TRAPPC6B: variants seen among roughly 807,000 people sequenced by gnomAD.
TRAPPC6B encodes TRAPP complex subunit 6B.
TRAPPC6B carries 27 observed loss-of-function variants against 24.7 expected under a neutral mutation model. The observed-to-expected ratio is 1.09, with a 90% CI of 0.81 to 1.51. The LOEUF (loss-of-function observed/expected upper bound fraction) is 1.51. Among genes scored for constraint, TRAPPC6B ranks in the 40% most tolerant of loss-of-function variants. The probability of loss-of-function intolerance (pLI) is 0.00; values close to 1 mark genes in which losing one functional copy is unlikely to be tolerated. For missense variants in TRAPPC6B, 212 were observed against 190.8 expected, an observed-to-expected ratio of 1.11 and a Z score of -0.66; for synonymous variants, 80 against 66.6, an observed-to-expected ratio of 1.20 and a Z score of -0.98.
At chr14:39,152,707 A>T (rs1299286233) in intron 4 of TRAPPC6B, among the ~76,000 whole-genome samples, 4 of 152,166 alleles carry the variant, frequency 2.6e-5, no homozygotes, top group African/African-American at 9.7e-5. Context: ...GAAAATAAAA[A>T]CCATGTATAT....
Position 39,150,229 on chromosome 14 carries a change from A to C in TRAPPC6B, c.*121T>G. 1.2e-6 allele frequency: 1 copy of C among 852,918 alleles called. No homozygotes were observed. The highest frequency in any genetic ancestry group is 1.8e-6 in the Non-Finnish European group (1 of 556,156). 52.8% of individuals were successfully genotyped at this position (852,918 alleles called of 1,614,324 possible). On this transcript the variant is annotated 3_prime_UTR_variant, in exon 6 of 6. Coordinates refer to ENST00000330149, the MANE Select transcript of TRAPPC6B (RefSeq NM_001079537.2). Reference sequence around the variant, plus strand: ...TCCTTTGATCTGTGTTAAATTGATAAAAATACATGCTTACTCCTGTACAAA... The same window carrying C: ...TCCTTTGATCTGTGTTAAATTGATACAAATACATGCTTACTCCTGTACAAA...
chr14:39,159,467 A>G lies in TRAPPC6B; in HGVS notation c.149+16T>C. On this transcript the variant is annotated intron_variant, in intron 2 of 5. Coordinates refer to ENST00000330149, the MANE Select transcript of TRAPPC6B (RefSeq NM_001079537.2). The stretch of plus-strand genomic sequence containing the variant: ...TAACCTACCTGCAAGAAAATTTTCA[A>G]ATCCAACCTGCTCACCTTTCTATCA... 1 of 1,565,306 alleles carries G rather than the reference A, an allele frequency of 6.4e-7. No individual in the cohort carries two copies. Among genetic ancestry groups the G allele is most frequent in the Non-Finnish European group, 8.7e-7 (1 of 1,154,830 alleles).
intron 1 of TRAPPC6B, among the ~76,000 whole-genome samples, chr14:39,163,614 C>A (rs1010991626): frequency 1.3e-5 from 2 of 150,798 alleles, no homozygotes; most frequent in African/African-American, 5.0e-5. Context: ...TGCCCATGTG[C>A]CCCTTGTTCC....
intron 1 of TRAPPC6B, among the ~76,000 whole-genome samples, chr14:39,168,255 A>G (rs1356211237): frequency 1.3e-5 from 2 of 151,496 alleles, no homozygotes; most frequent in African/African-American, 2.4e-5. Context: ...AGGAAAGGTA[A>G]GAAGGGAGGG....
chr14:39,157,447 A>T, intron 3 of TRAPPC6B: 1 of 343,966 alleles, frequency 2.9e-6, no homozygotes, highest in Admixed American at 3.9e-5. Context: ...GGATGTCCCC[A>T]CTAAGAGACC....
intron 1 of TRAPPC6B, among the ~76,000 whole-genome samples, chr14:39,166,243 A>G (rs1421136552): frequency 6.8e-6 from 1 of 146,902 alleles, no homozygotes; most frequent in Non-Finnish European, 1.5e-5. Context: ...ACTAACCCAG[A>G]GACTTGTCTC....
At chr14:39,162,264 AATCCTCCCACCTC>A (rs1245779278) in intron 1 of TRAPPC6B, among the ~76,000 whole-genome samples, 3 of 152,000 alleles carry the variant, frequency 2.0e-5, no homozygotes, top group Non-Finnish European at 4.4e-5. Context: ...GGGTTCAAGC[AATCCTCCCACCTC>A]AGTCTCCCAA....
chr14:39,167,045 TACAA>T (rs931944909), intron 1 of TRAPPC6B, among the ~76,000 whole-genome samples: 9 of 152,228 alleles, frequency 5.9e-5, no homozygotes, highest in African/African-American at 2.2e-4. Context: ...ACTGGGCAGT[TACAA>T]TATGCTTATA....
Position 39,149,905 on chromosome 14 carries a change from T to C in TRAPPC6B, c.*445A>G, listed in dbSNP as rs2052893924. On this transcript the variant is annotated 3_prime_UTR_variant, in exon 6 of 6. Coordinates refer to ENST00000330149, the MANE Select transcript of TRAPPC6B (RefSeq NM_001079537.2). The stretch of plus-strand genomic sequence containing the variant: ...AGGTGTAAACATTCTTAATAAATTA[T>C]AAGCAATAAAATAAAAAAAATTTAG... 1 of 153,590 alleles carries C rather than the reference T, an allele frequency of 6.5e-6. No homozygotes were observed. The highest frequency in any genetic ancestry group is 2.0e-4 in the South Asian group (1 of 4,910). The allele number at this position is 153,590 out of a possible 1,614,324, so 9.5% of individuals were successfully genotyped here. A position where few individuals can be genotyped will look rare whatever the true frequency, so the allele number is the denominator to read the frequency against.
chr14:39,149,367 A>C lies in TRAPPC6B; in HGVS notation c.*983T>G, dbSNP rs2052889369. The C allele has an allele frequency of 6.6e-6, 1 of 152,244 alleles. No individual in the cohort carries two copies. The allele number at this position is 152,244 out of a possible 1,614,324, so 9.4% of individuals were successfully genotyped here. ...GCAAAAGGGTAATAAATAAATGGGAAACAAAGTATAGTTTTAGTAATCAAC... is the reference window on the plus strand; with the variant it reads ...GCAAAAGGGTAATAAATAAATGGGACACAAAGTATAGTTTTAGTAATCAAC... On this transcript the variant is annotated 3_prime_UTR_variant, in exon 6 of 6. Coordinates refer to ENST00000330149, the MANE Select transcript of TRAPPC6B (RefSeq NM_001079537.2).
intron 3 of TRAPPC6B, among the ~76,000 whole-genome samples, chr14:39,155,952 T>C (rs1358742662): frequency 6.6e-6 from 1 of 151,224 alleles, no homozygotes; most frequent in African/African-American, 2.5e-5. Context: ...ATATGCCTGG[T>C]GAAATTTTTT....
chr14:39,165,807 T>C (rs895962521), intron 1 of TRAPPC6B, among the ~76,000 whole-genome samples: 1 of 151,788 alleles, frequency 6.6e-6, no homozygotes, highest in African/African-American at 2.4e-5. Context: ...TCTCTCTCTC[T>C]CTCTGTTTTT....
chr14:39,154,212 T>C lies in TRAPPC6B; in HGVS notation c.350A>G (p.Lys117Arg). 6.2e-7 allele frequency: 1 copy of C among 1,605,862 alleles called. No individual in the cohort carries two copies. The highest frequency in any genetic ancestry group is 8.5e-7 in the Non-Finnish European group (1 of 1,173,116). The stretch of plus-strand genomic sequence containing the variant: ...CCCAACTTCTATTCCATTAAATACC[T>C]TAGATGCATGTTCTAAATACTGTTT... ...AGKQYLEHAS[K>R]YLAFTCGLIR... Residue 117 changes from lysine (K) to arginine (R), a missense_variant and splice_region_variant, in exon 4 of 6, where the codon AAG (lysine) becomes AGG (arginine). Lys to Arg is a conservative substitution (Grantham distance 26). Transcript: ENST00000330149.
intron 2 of TRAPPC6B, chr14:39,159,243 T>G (rs1228208821): frequency 4.6e-6 from 1 of 218,508 alleles, no homozygotes; most frequent in Non-Finnish European, 8.7e-6. Flanking sequence ...AAGTCTAAAA[T>G]AGCTTCAGGA....
intron 3 of TRAPPC6B, among the ~76,000 whole-genome samples, chr14:39,155,810 T>G (rs1355385493): frequency 1.3e-5 from 2 of 152,166 alleles, no homozygotes; most frequent in Non-Finnish European, 2.9e-5. Flanking sequence ...GTGCTGGGAT[T>G]ACAGGGGTGA....
rs1353053164 is a variant in TRAPPC6B at position 39,170,124 on chromosome 14, T to G, written c.-29A>C. ...CTGCTAATTCTTCCAAGCTTCGAGT[T>G]TTGGCTCCCGTTTGAGCTGGTCTGG... is the stretch of plus-strand genomic sequence containing the variant. On this transcript the variant is annotated 5_prime_UTR_variant, in exon 1 of 6. Transcript: ENST00000330149. 2 of 1,613,322 alleles carry G rather than the reference T, an allele frequency of 1.2e-6. No homozygotes were observed. Among genetic ancestry groups the G allele is most frequent in the South Asian group, 2.2e-5 (2 of 91,046 alleles).
intron 3 of TRAPPC6B, among the ~76,000 whole-genome samples, chr14:39,155,305 G>C (rs376372340): frequency 6.6e-6 from 1 of 151,902 alleles, no homozygotes; most frequent in Non-Finnish European, 1.5e-5. Context: ...GCAATGGCTC[G>C]ATCTCAGCTC....
intron 1 of TRAPPC6B, among the ~76,000 whole-genome samples, chr14:39,165,550 C>T (rs79840168): frequency 0.03 from 4,603 of 152,160 alleles, 240 homozygotes; most frequent in African/African-American, 0.1. Context: ...ATCCCAGCAC[C>T]GTAGGAGGCT....
At chr14:39,153,742 C>A (rs1280593301) in intron 4 of TRAPPC6B, among the ~76,000 whole-genome samples, 2 of 148,868 alleles carry the variant, frequency 1.3e-5, no homozygotes, top group African/African-American at 5.0e-5. Flanking sequence ...GCTCTTATAC[C>A]CCAGGCTGGA....
Sources: allele counts gnomAD v4.1 joint callset (sites outside exome capture counted in the v4.1 genomes callset), GRCh38; gene constraint gnomAD v4.1.1; transcripts MANE v1.5; gene names NCBI Gene and HGNC (gene_info 2026-07-23, HGNC 2026-07-21).